Variants in MAST2 observed in about 807,000 individuals in gnomAD.
The protein encoded by MAST2 is microtubule associated serine/threonine kinase 2.
MAST2 carries 70 observed loss-of-function variants against 147.4 expected under a neutral mutation model. The observed-to-expected ratio is 0.47, with a 90% confidence interval of 0.39 to 0.58. The LOEUF (loss-of-function observed/expected upper bound fraction) is 0.58, where lower values mean the gene tolerates loss of function less well. Among genes scored for constraint, MAST2 ranks in the 20% least tolerant of loss-of-function variants. MAST2 has a pLI of 0.00. For missense variants in MAST2, 2,080 were observed against 2,302.3 expected, an observed-to-expected ratio of 0.90 and a Z score of 1.98; for synonymous variants, 869 against 896.8, an observed-to-expected ratio of 0.97 and a Z score of 0.55.
chr1:45,949,304 A>C lies in MAST2; in HGVS notation c.501-10082A>C, dbSNP rs114287801. Among the ~76,000 whole-genome samples, 920 of 152,314 alleles carry C rather than the reference A, an allele frequency of 6.0e-3. 11 individuals carry two copies. The highest frequency in any genetic ancestry group is 0.021 in the African/African-American group (884 of 41,552). ...ACAGACAACCTACAGAATAGGAAAAAATATTTGCAATCTGCATCTGACAAA... is the reference window on the plus strand; with the variant it reads ...ACAGACAACCTACAGAATAGGAAAACATATTTGCAATCTGCATCTGACAAA... On this transcript the variant is annotated intron_variant, in intron 4 of 28. Transcript: ENST00000361297.
At chr1:46,005,375 A>C (rs532139948) in intron 7 of MAST2, among the ~76,000 whole-genome samples, 2 of 152,114 alleles carry the variant, frequency 1.3e-5, no homozygotes, top group East Asian at 1.9e-4. Flanking sequence ...AAAAAAAAAA[A>C]AAACCCCAGA....
chr1:46,008,230 A>T (rs3922886), intron 8 of MAST2, 66 bp from the exon 9 acceptor site: 339,184 of 1,084,548 alleles, frequency 0.31, 54,004 homozygotes, highest in African/African-American at 0.41. Flanking sequence ...GTCTCTGGGG[A>T]TGGCCATCTT....
chr1:45,901,787 A>G (rs1026126555), intron 4 of MAST2, among the ~76,000 whole-genome samples: 6 of 152,064 alleles, frequency 3.9e-5, no homozygotes, highest in Non-Finnish European at 4.4e-5. Flanking sequence ...CTGAGCTTGA[A>G]TGTTGGTATA....
chr1:45,991,966 T>C (rs1389394513), intron 5 of MAST2, among the ~76,000 whole-genome samples: 1 of 152,176 alleles, frequency 6.6e-6, no homozygotes, highest in African/African-American at 2.4e-5. Context: ...TGGGCTCAAG[T>C]AATCCCCCCA....
chr1:45,936,711 A>G (rs183809650), intron 4 of MAST2, among the ~76,000 whole-genome samples: 2 of 152,090 alleles, frequency 1.3e-5, no homozygotes, highest in Non-Finnish European at 2.9e-5. Context: ...CCTTATCCCC[A>G]TCAGTCTCTG....
At chr1:45,877,059 C>T (rs1646637336) in intron 3 of MAST2, among the ~76,000 whole-genome samples, 2 of 152,146 alleles carry the variant, frequency 1.3e-5, no homozygotes, top group South Asian at 2.1e-4. Flanking sequence ...TTCGTCTGTT[C>T]GTGCTGCTAT....
chr1:45,851,570 T>A (rs1645625277), intron 3 of MAST2, among the ~76,000 whole-genome samples: 1 of 152,200 alleles, frequency 6.6e-6, no homozygotes, highest in Non-Finnish European at 1.5e-5. Context: ...TTTCCAGTTT[T>A]TCTCATTCAG....
intron 3 of MAST2, among the ~76,000 whole-genome samples, chr1:45,837,359 T>C (rs570551338): frequency 6.6e-6 from 1 of 152,358 alleles, no homozygotes; most frequent in African/African-American, 2.4e-5. Flanking sequence ...TTCATAGGAA[T>C]GGAATCATAC....
chr1:45,927,263 A>C (rs191251714), intron 4 of MAST2, among the ~76,000 whole-genome samples: 9 of 152,282 alleles, frequency 5.9e-5, no homozygotes, highest in African/African-American at 2.2e-4. Context: ...AATTTCGGGC[A>C]CTATTGTCAT....
Position 45,892,138 on chromosome 1 carries a change from C to A in MAST2, c.500+9743C>A, listed in dbSNP as rs145256937. The stretch of plus-strand genomic sequence containing the variant: ...TCTCAAATGTGACCTTTCAGGCAAG[C>A]TCTTTGTTGGACAACCATTTTTTAC... On this transcript the variant is annotated intron_variant, in intron 4 of 28. Coordinates refer to ENST00000361297, the MANE Select transcript of MAST2 (RefSeq NM_015112.3). 9.0e-4 allele frequency among the ~76,000 whole-genome samples: 137 copies of A among 152,264 alleles called. 1 individual carries two copies. The highest frequency in any genetic ancestry group is 3.1e-3 in the African/African-American group (130 of 41,554).
chr1:45,997,659 G>C, intron 5 of MAST2, 65 bp from the exon 6 acceptor site: 1 of 1,245,784 alleles, frequency 8.0e-7, no homozygotes, highest in Non-Finnish European at 1.2e-6. Context: ...TTTCTTGCCC[G>C]AAAGTCATGT....
intron 3 of MAST2, among the ~76,000 whole-genome samples, chr1:45,849,588 G>A (rs1413268732): frequency 2.7e-5 from 4 of 150,842 alleles, no homozygotes; most frequent in Non-Finnish European, 4.4e-5. Context: ...GTGCAGTGGC[G>A]CGATCTAGGC....
chr1:45,845,835 A>C (rs1381776404), intron 3 of MAST2, among the ~76,000 whole-genome samples: 3 of 152,166 alleles, frequency 2.0e-5, no homozygotes, highest in Non-Finnish European at 4.4e-5. Flanking sequence ...ATCTCGGCTC[A>C]CTGCAAGCTC....
chr1:45,982,911 G>A (rs1303868882), intron 5 of MAST2, among the ~76,000 whole-genome samples: 2 of 152,184 alleles, frequency 1.3e-5, no homozygotes, highest in Non-Finnish European at 2.9e-5. Context: ...TACCCAACTT[G>A]AGGTAGTGTC....
chr1:45,989,063 A>G (rs1188775893), intron 5 of MAST2, among the ~76,000 whole-genome samples: 16 of 152,206 alleles, frequency 1.1e-4, no homozygotes, highest in Non-Finnish European at 2.4e-4. Flanking sequence ...TTGACCAAAG[A>G]CATATAGTAT....
intron 3 of MAST2, among the ~76,000 whole-genome samples, chr1:45,881,070 A>C: frequency 6.6e-6 from 1 of 152,186 alleles, no homozygotes; most frequent in East Asian, 1.9e-4. Flanking sequence ...TATTTCTTAC[A>C]TGGACAGTTG....
intron 4 of MAST2, among the ~76,000 whole-genome samples, chr1:45,900,446 ATTTTTTTTTT>A (rs908880746): frequency 2.0e-4 from 2 of 9,950 alleles, no homozygotes; most frequent in Non-Finnish European, 2.8e-4. Flanking sequence ...GATGTTGGAT[ATTTTTTTTTT>A]TTTTTTTTTT....
chr1:45,828,891 TC>T (rs1644870781), intron 2 of MAST2, among the ~76,000 whole-genome samples: 1 of 151,198 alleles, frequency 6.6e-6, no homozygotes, highest in Non-Finnish European at 1.5e-5. Flanking sequence ...ACCACTGCAC[TC>T]CAGCCTGGGC....
intron 4 of MAST2, among the ~76,000 whole-genome samples, chr1:45,923,555 G>C (rs943547462): frequency 3.9e-5 from 6 of 152,146 alleles, no homozygotes; most frequent in Non-Finnish European, 7.4e-5. Context: ...CAGGAAGCGA[G>C]GGTGCAGAGA....
Sources: gnomAD v4.1 joint callset for allele counts (sites outside exome capture counted in the v4.1 genomes callset) on GRCh38, gnomAD v4.1.1 for gene constraint, MANE v1.5 for transcripts, NCBI Gene and HGNC (gene_info 2026-07-23, HGNC 2026-07-21) for gene names.